KIF11: variants seen among roughly 807,000 people sequenced by gnomAD.
The protein encoded by KIF11 is kinesin-like protein KIF11.
KIF11 carries 9 observed loss-of-function variants against 121.0 expected under a neutral mutation model. The ratio of observed to expected loss-of-function variants is 0.07; its 90% CI spans 0.04 to 0.13. The LOEUF (loss-of-function observed/expected upper bound fraction) is 0.13, where lower values mean the gene tolerates loss of function less well. KIF11 is among the 10% of genes least tolerant of loss of function. The pLI is 1.00. For synonymous variants in KIF11, 408 were observed against 421.0 expected (o/e 0.97, Z 0.38); for missense variants, 846 against 1,217.5 (o/e 0.69, Z 4.54).
chr10:92,599,486 C>T (rs188200400), intron 1 of KIF11, among the ~76,000 whole-genome samples: 8 of 146,218 alleles, frequency 5.5e-5, no homozygotes, highest in Non-Finnish European at 1.2e-4. Context: ...GATCGTGCCA[C>T]TGTACTCCAG....
At chr10:92,611,205 GTATTAT>G (rs906283340) in intron 6 of KIF11, among the ~76,000 whole-genome samples, 10 of 150,968 alleles carry the variant, frequency 6.6e-5, no homozygotes, top group African/African-American at 2.4e-4. Flanking sequence ...GAGATGAATA[GTATTAT>G]TATTATTATT....
In KIF11 at chr10:92,622,108, A is replaced by G. The variant is rs555093201; in HGVS notation, c.1217+635A>G. Among the ~76,000 whole-genome samples the G allele has an allele frequency of 2.8e-4, 43 of 151,216 alleles. 1 individual carries two copies. The highest frequency in any genetic ancestry group is 1.0e-3 in the African/African-American group (42 of 41,192). On this transcript the variant is annotated intron_variant, in intron 10 of 21. Transcript: ENST00000260731. ...CTGACCAACATGGAGAAACCCCATC[A>G]CTACTAAAAACACAAAATTACCCTG...
In KIF11 at chr10:92,606,412, A is replaced by G. The variant is rs1844431579; in HGVS notation, c.210+15A>G. The G allele has an allele frequency of 6.3e-7, 1 of 1,575,578 alleles. No homozygotes were observed. The highest frequency in any genetic ancestry group is 2.0e-5 in the Admixed American group (1 of 51,166). ...CTTTTGATATGGTAACATATGGTGC[A>G]ATTTCTTTATTATCCACTAATGTAA... is the stretch of plus-strand genomic sequence containing the variant. On this transcript the variant is annotated intron_variant, in intron 2 of 21. Transcript: ENST00000260731.
intron 10 of KIF11, among the ~76,000 whole-genome samples, chr10:92,628,050 T>C (rs1421307851): frequency 1.3e-5 from 2 of 152,206 alleles, no homozygotes; most frequent in Non-Finnish European, 2.9e-5. Flanking sequence ...GGAAGTGGTG[T>C]TGGGGGACTG....
At chr10:92,606,218 C>A (rs765172185) in intron 1 of KIF11, 47 bp from the exon 2 acceptor site, 41 of 1,511,616 alleles carry the variant, frequency 2.7e-5, no homozygotes, top group Non-Finnish European at 3.5e-5. Context: ...CATTGATAAC[C>A]TGAGAACTAA....
chr10:92,651,502 ATTTTGTTTTTTTTTTTTTTTTTTTT>A (rs1844979966), intron 21 of KIF11, among the ~76,000 whole-genome samples: 1 of 21,554 alleles, frequency 4.6e-5, no homozygotes, highest in Non-Finnish European at 8.1e-5. Flanking sequence ...TGCCTGGCTA[ATTTTGTTTTTTTTTTTTTTTTTTTT>A]TTTTTTTTTT....
In KIF11 at chr10:92,645,511, G is replaced by A; in HGVS notation, c.2416G>A (p.Gly806Ser). 1 of 1,614,010 alleles carries A rather than the reference G, an allele frequency of 6.2e-7. No individual in the cohort carries two copies. The highest frequency in any genetic ancestry group is 8.5e-7 in the Non-Finnish European group (1 of 1,179,946). ...ESVKHSDKLN[G>S]NLEKISQETE... ...TGTGAAACACTCTGATAAACTCAAT[G>A]GCAACCTGGAAAAAATATCTCAAGA... Residue 806 changes from glycine to serine, a missense_variant, in exon 18 of 22, where the codon GGC becomes AGC. By Grantham distance (56) the Gly-to-Ser change is moderately conservative (BLOSUM62 0). Transcript: ENST00000260731.
chr10:92,646,540 T>G (rs1844921969), intron 18 of KIF11, among the ~76,000 whole-genome samples: 1 of 152,148 alleles, frequency 6.6e-6, no homozygotes, highest in African/African-American at 2.4e-5. Context: ...AGATTTGTGA[T>G]AGGAAATGTA....
intron 14 of KIF11, 38 bp from the exon 15 acceptor site, chr10:92,637,146 T>C (rs1844812177): frequency 2.7e-6 from 4 of 1,508,108 alleles, no homozygotes; most frequent in Non-Finnish European, 3.6e-6. Flanking sequence ...AGTGGAAATA[T>C]TCTTTTTAAA....
At chr10:92,609,852 T>A (rs1228335628) in intron 6 of KIF11, among the ~76,000 whole-genome samples, 1 of 152,148 alleles carries the variant, frequency 6.6e-6, no homozygotes, top group African/African-American at 2.4e-5. Context: ...TTCTCCTGCC[T>A]CAGCCTCTTG....
chr10:92,614,021 T>TATACACACACACACAC (rs1284311727), intron 8 of KIF11, among the ~76,000 whole-genome samples: 77 of 127,042 alleles, frequency 6.1e-4, no homozygotes, highest in African/African-American at 1.9e-3. Context: ...AGTATGTGTA[T>TATACACACACACACAC]ACACACACAC....
intron 1 of KIF11, among the ~76,000 whole-genome samples, chr10:92,605,955 G>A (rs1043144368): frequency 6.6e-6 from 1 of 152,186 alleles, no homozygotes; most frequent in East Asian, 1.9e-4. Flanking sequence ...AGACCAGCCT[G>A]TGCAACACAG....
At chr10:92,598,480 G>A (rs1223535827) in intron 1 of KIF11, among the ~76,000 whole-genome samples, 3 of 152,168 alleles carry the variant, frequency 2.0e-5, no homozygotes, top group Admixed American at 6.5e-5. Context: ...GTACCACATG[G>A]TTTTGATTAT....
At chr10:92,640,037 G>C (rs1844848289) in intron 17 of KIF11, 137 bp downstream of exon 17, 1 of 525,182 alleles carries the variant, frequency 1.9e-6, no homozygotes, top group South Asian at 2.5e-5. Context: ...ATGTATGTGT[G>C]TATGTATATA....
intron 8 of KIF11, among the ~76,000 whole-genome samples, chr10:92,614,057 CACACACACAT>C (rs1262833968): frequency 1.8e-4 from 22 of 120,934 alleles, no homozygotes; most frequent in South Asian, 2.9e-4. Flanking sequence ...CACACACACA[CACACACACAT>C]ATAGTAGGGA....
At position 92,650,089 on chromosome 10, in the gene KIF11, C is replaced by T. The variant is rs370587447; in HGVS notation, c.2922+103C>T. On this transcript the variant is annotated intron_variant, in intron 20 of 21. Transcript: ENST00000260731. ...TACTGTTTACCCCTCAATCTTACCC[C>T]GCCTCTCATTAATGATAGGCCTAGC... 4.4e-5 allele frequency: 37 copies of T among 832,282 alleles called. No homozygotes were observed. The African/African-American group carries it at 4.5e-4, about 10-fold the overall frequency. The allele number at this position is 832,282 out of a possible 1,614,324, so 51.6% of individuals were successfully genotyped here.
At chr10:92,633,185 C>T (rs1295384137) in intron 13 of KIF11, among the ~76,000 whole-genome samples, 1 of 151,968 alleles carries the variant, frequency 6.6e-6, no homozygotes, top group East Asian at 1.9e-4. Context: ...GTGTGAAATA[C>T]TATCCTCATT....
chr10:92,601,158 C>T (rs1430900245), intron 1 of KIF11, among the ~76,000 whole-genome samples: 2 of 150,852 alleles, frequency 1.3e-5, no homozygotes, highest in East Asian at 3.9e-4. Flanking sequence ...GCTCTTGGCC[C>T]TCAACCTTTT....
chr10:92,620,021 A>C (rs1040400651), intron 9 of KIF11, among the ~76,000 whole-genome samples: 9 of 150,726 alleles, frequency 6.0e-5, no homozygotes, highest in Non-Finnish European at 1.3e-4. Flanking sequence ...GGCAAAACTA[A>C]TTCATAAGCA....
Sources: gnomAD v4.1 joint callset for allele counts (sites outside exome capture counted in the v4.1 genomes callset) on GRCh38, gnomAD v4.1.1 for gene constraint, MANE v1.5 for transcripts, NCBI Gene and HGNC (gene_info 2026-07-23, HGNC 2026-07-21) for gene names.